The following MCTP1 variants were observed in gnomAD, a reference collection of about 807,000 sequenced individuals.
The protein encoded by MCTP1 is multiple C2 and transmembrane domain-containing protein 1.
In MCTP1, 69 loss-of-function variants were observed where a neutral mutation model predicts 120.6. The observed-to-expected ratio is 0.57, with a 90% CI of 0.47 to 0.70. MCTP1 has a LOEUF of 0.70. Among genes scored for constraint, MCTP1 ranks in the 30% least tolerant of loss-of-function variants. MCTP1 has a pLI of 0.00. For synonymous variants in MCTP1, 529 were observed against 493.1 expected, an observed-to-expected ratio of 1.07 and a Z score of -0.96; for missense variants, 1,203 against 1,248.8, an observed-to-expected ratio of 0.96 and a Z score of 0.55.
intron 1 of MCTP1, among the ~76,000 whole-genome samples, chr5:95,279,953 T>C (rs562845154): frequency 6.6e-6 from 1 of 152,328 alleles, no homozygotes; most frequent in Admixed American, 6.5e-5. Flanking sequence ...TTGATTTTGA[T>C]ATTATTAGTT....
At chr5:95,104,178 C>T (rs557437713) in intron 1 of MCTP1, among the ~76,000 whole-genome samples, 23 of 152,300 alleles carry the variant, frequency 1.5e-4, no homozygotes, top group African/African-American at 4.8e-4. Flanking sequence ...CTTACCCCCC[C>T]TCCCAAGTTT....
At chr5:95,192,389 G>T (rs1217049844) in intron 1 of MCTP1, among the ~76,000 whole-genome samples, 2 of 151,936 alleles carry the variant, frequency 1.3e-5, no homozygotes, top group East Asian at 3.9e-4. Flanking sequence ...AAAGCTGAGA[G>T]TCAAACAAAC....
chr5:94,751,289 A>T (rs1199378424), intron 19 of MCTP1, among the ~76,000 whole-genome samples: 2 of 151,978 alleles, frequency 1.3e-5, no homozygotes, highest in African/African-American at 2.4e-5. Flanking sequence ...ATGACTTAAT[A>T]ATATTGCAAA....
chr5:95,110,480 T>C (rs1171671218), intron 1 of MCTP1, among the ~76,000 whole-genome samples: 1 of 152,192 alleles, frequency 6.6e-6, no homozygotes, highest in African/African-American at 2.4e-5. Context: ...TGGAAGGAAC[T>C]TGGGTTCCCA....
rs989166106 is a variant in MCTP1 at position 95,089,299 on chromosome 5, G to A, written c.721-71815C>T. Among the ~76,000 whole-genome samples, 3 of 152,236 alleles carry A rather than the reference G, an allele frequency of 2.0e-5. 1 individual carries two copies. On this transcript the variant is annotated intron_variant, in intron 1 of 22. Transcript: ENST00000515393. ...GAGGTAAACATTGGAATACTTTTGA[G>A]AAATCTGAAATGAAGCACATATTCC...
At chr5:95,162,041 C>T (rs1035559541) in intron 1 of MCTP1, among the ~76,000 whole-genome samples, 1 of 152,088 alleles carries the variant, frequency 6.6e-6, no homozygotes, top group Non-Finnish European at 1.5e-5. Flanking sequence ...ATGGTCTGCT[C>T]CAAGCATTTA....
chr5:94,948,403 C>T (rs750929067), intron 3 of MCTP1, among the ~76,000 whole-genome samples: 3 of 152,054 alleles, frequency 2.0e-5, no homozygotes, highest in South Asian at 2.1e-4. Context: ...ATATTCTTTG[C>T]CCACAATCCA....
intron 17 of MCTP1, among the ~76,000 whole-genome samples, chr5:94,863,139 T>C (rs549057149): frequency 6.6e-6 from 1 of 151,856 alleles, no homozygotes; most frequent in African/African-American, 2.4e-5. Flanking sequence ...TGAAGAAAGA[T>C]GGGCAAAAAG....
At chr5:95,228,436 G>A (rs1274877663) in intron 1 of MCTP1, among the ~76,000 whole-genome samples, 2 of 148,490 alleles carry the variant, frequency 1.3e-5, no homozygotes, top group Non-Finnish European at 3.0e-5. Context: ...AGAGAGTTTG[G>A]GCCAAAAACT....
At chr5:95,040,315 G>T (rs956164882) in intron 1 of MCTP1, among the ~76,000 whole-genome samples, 2 of 152,014 alleles carry the variant, frequency 1.3e-5, no homozygotes, top group African/African-American at 4.8e-5. Context: ...GTTCACACTT[G>T]TAATTCCAGC....
intron 1 of MCTP1, among the ~76,000 whole-genome samples, chr5:95,164,694 A>G (rs1746120494): frequency 1.3e-5 from 2 of 152,224 alleles, no homozygotes; most frequent in Non-Finnish European, 2.9e-5. Flanking sequence ...ATTATTTGCT[A>G]TTCATCTGAA....
intron 1 of MCTP1, among the ~76,000 whole-genome samples, chr5:95,156,693 G>C (rs558985737): frequency 6.6e-6 from 1 of 152,312 alleles, no homozygotes; most frequent in African/African-American, 2.4e-5. Flanking sequence ...GCCAACTTAA[G>C]AAAACTGGGC....
rs1754934889 is a variant in MCTP1, at chr5:95,081,542, T to C, written c.721-64058A>G. On this transcript the variant is annotated intron_variant, in intron 1 of 22. Coordinates refer to ENST00000515393, the MANE Select transcript of MCTP1 (RefSeq NM_024717.7). ...CAGTGAGAGAACTGCATATTTAGACTTGCTTTCTTCACTGAATACCGGCAA... is the reference window on the plus strand; with the variant it reads ...CAGTGAGAGAACTGCATATTTAGACCTGCTTTCTTCACTGAATACCGGCAA... 4 of 1,561,078 alleles carry C rather than the reference T, an allele frequency of 2.6e-6. No homozygotes were observed. The Admixed American group carries it at 7.6e-5, about 30-fold the overall frequency.
chr5:94,711,762 T>TA (rs1438349647), intron 20 of MCTP1, among the ~76,000 whole-genome samples: 2 of 150,732 alleles, frequency 1.3e-5, no homozygotes, highest in African/African-American at 4.9e-5. Flanking sequence ...GGGAAGGAAT[T>TA]TACTGAGACA....
intron 2 of MCTP1, among the ~76,000 whole-genome samples, chr5:94,957,603 C>T (rs781314611): frequency 6.6e-6 from 1 of 151,658 alleles, no homozygotes; most frequent in Non-Finnish European, 1.5e-5. Flanking sequence ...AAAGAAAAAG[C>T]AGGGGTTGCA....
intron 9 of MCTP1, among the ~76,000 whole-genome samples, 182 bp downstream of exon 9, chr5:94,912,624 G>C (rs1376298356): frequency 6.6e-6 from 1 of 151,860 alleles, no homozygotes; most frequent in East Asian, 1.9e-4. Context: ...GTTTATGGGA[G>C]GTCACCTAGT....
At chr5:95,044,100 T>C (rs736673) in intron 1 of MCTP1, among the ~76,000 whole-genome samples, 7,097 of 152,278 alleles carry the variant, frequency 0.047, 234 homozygotes, top group African/African-American at 0.085. Context: ...TTCTGGGCCC[T>C]ACAGGGAAAA....
intron 1 of MCTP1, among the ~76,000 whole-genome samples, chr5:95,114,974 G>T (rs1032665410): frequency 6.6e-6 from 1 of 152,186 alleles, no homozygotes; most frequent in Non-Finnish European, 1.5e-5. Flanking sequence ...GAGAACAAGA[G>T]TCTTTGCTTG....
At chr5:94,892,505 C>T (rs1802910557) in intron 11 of MCTP1, among the ~76,000 whole-genome samples, 1 of 152,104 alleles carries the variant, frequency 6.6e-6, no homozygotes, top group Non-Finnish European at 1.5e-5. Flanking sequence ...TCATTTCCTC[C>T]CCCTAAAAGA....
Sources: allele counts gnomAD v4.1 joint callset (sites outside exome capture counted in the v4.1 genomes callset), GRCh38; gene constraint gnomAD v4.1.1; transcripts MANE v1.5; gene names NCBI Gene and HGNC (gene_info 2026-07-23, HGNC 2026-07-21).